Variants in COL23A1 observed in about 807,000 individuals in gnomAD.
COL23A1 encodes collagen type XXIII alpha 1 chain.
A neutral mutation model predicts 99.3 loss-of-function variants in COL23A1; 97 were observed. The ratio of observed to expected loss-of-function variants is 0.98; its 90% CI spans 0.83 to 1.16. The LOEUF is 1.16. Ranked by LOEUF, COL23A1 falls within the 50% of genes most tolerant of loss-of-function variation. The probability of loss-of-function intolerance (pLI) is 0.00; values close to 1 mark genes in which losing one functional copy is unlikely to be tolerated. For missense variants in COL23A1, 762 were observed against 757.4 expected, an observed-to-expected ratio of 1.01 and a Z score of -0.07; for synonymous variants, 320 against 308.2, an observed-to-expected ratio of 1.04 and a Z score of -0.40.
At chr5:178,238,789 G>T (rs1764241242) in intron 28 of COL23A1, 89 bp from the exon 29 acceptor site, 5 of 1,542,322 alleles carry the variant, frequency 3.2e-6, no homozygotes, top group Non-Finnish European at 4.5e-6. Flanking sequence ...CCCCGGTCCT[G>T]CCCATTTCCT....
At chr5:178,247,664 C>T (rs1764777703) in intron 21 of COL23A1, 111 bp downstream of exon 21, 2 of 1,559,696 alleles carry the variant, frequency 1.3e-6, no homozygotes, top group Admixed American at 1.7e-5. Context: ...TGTGCCCCTC[C>T]CTGAACGAAG....
Position 178,439,324 on chromosome 5 carries a change from C to G in COL23A1, c.361+121358G>C, listed in dbSNP as rs771617596. ...CCATCTTTTCTCTCTCAGCCACTTGCTGATTGAGGCTGAGCCAGTTACCAA... is the reference window on the plus strand; with the variant it reads ...CCATCTTTTCTCTCTCAGCCACTTGGTGATTGAGGCTGAGCCAGTTACCAA... On this transcript the variant is annotated intron_variant, in intron 2 of 28. Coordinates refer to ENST00000390654, the MANE Select transcript of COL23A1 (RefSeq NM_173465.4). The surrounding 1 kb of genome is among the most constrained non-coding windows in gnomAD (Gnocchi z 4.2). 6.6e-6 allele frequency: 1 copy of G among 152,206 alleles called. No individual in the cohort carries two copies. The highest frequency in any genetic ancestry group is 2.4e-5 in the African/African-American group (1 of 41,432). 9.4% of individuals were successfully genotyped at this position (152,206 alleles called of 1,614,324 possible).
At chr5:178,329,861 C>T (rs892166059) in intron 2 of COL23A1, among the ~76,000 whole-genome samples, 17 of 151,630 alleles carry the variant, frequency 1.1e-4, no homozygotes, top group African/African-American at 3.4e-4. Context: ...TACTTGAACC[C>T]GGGAGGCGGA....
rs950518898 is a variant in COL23A1, at chr5:178,307,303, C to T, written c.362-384G>A. 6.6e-6 allele frequency among the ~76,000 whole-genome samples: 1 copy of T among 152,208 alleles called. No homozygotes were observed. The highest frequency in any genetic ancestry group is 2.4e-5 in the African/African-American group (1 of 41,454). ...TAGGAGGAAAGTAAGGGTGGGTTAT[C>T]TTAGGAAAGCCCTGACAAACGCTGC... is the stretch of plus-strand genomic sequence containing the variant. On this transcript the variant is annotated intron_variant, in intron 2 of 28. Coordinates refer to ENST00000390654, the MANE Select transcript of COL23A1 (RefSeq NM_173465.4). This position sits in a 1 kb window ranked among gnomAD's most constrained non-coding sequence, Gnocchi z 4.2.
intron 2 of COL23A1, among the ~76,000 whole-genome samples, chr5:178,519,112 G>A (rs1759799514): frequency 6.6e-6 from 1 of 152,074 alleles, no homozygotes; most frequent in Non-Finnish European, 1.5e-5. Context: ...CCAGCCCGCG[G>A]CGCCTTCGAG....
chr5:178,583,220 C>A (rs962951578), intron 1 of COL23A1, among the ~76,000 whole-genome samples: 5 of 152,174 alleles, frequency 3.3e-5, no homozygotes, highest in Non-Finnish European at 7.3e-5. Flanking sequence ...TGTACATAAA[C>A]CCCTAGAGAA....
chr5:178,560,504 T>C (rs994326075), intron 2 of COL23A1, among the ~76,000 whole-genome samples, 178 bp downstream of exon 2: 1 of 152,174 alleles, frequency 6.6e-6, no homozygotes, highest in African/African-American at 2.4e-5. Flanking sequence ...CCGTTTACTT[T>C]GCTGGAAACC....
At chr5:178,534,884 C>T (rs1760850232) in intron 2 of COL23A1, among the ~76,000 whole-genome samples, 1 of 152,200 alleles carries the variant, frequency 6.6e-6, no homozygotes, top group Non-Finnish European at 1.5e-5. Flanking sequence ...AAAACTCTAC[C>T]AGGTAGCTAG....
intron 2 of COL23A1, among the ~76,000 whole-genome samples, chr5:178,523,201 T>TATATATATAG (rs1223542330): frequency 1.6e-3 from 122 of 77,566 alleles, no homozygotes; most frequent in East Asian, 4.0e-3. Context: ...TATATATATA[T>TATATATATAG]AGAGAGAGAG....
intron 18 of COL23A1, 68 bp downstream of exon 18, chr5:178,249,993 A>T: frequency 6.6e-7 from 1 of 1,520,096 alleles, no homozygotes; most frequent in Non-Finnish European, 9.1e-7. Context: ...ACGCACACAC[A>T]CACACACACA....
At chr5:178,380,050 G>C (rs72822852) in intron 2 of COL23A1, among the ~76,000 whole-genome samples, 13,330 of 152,214 alleles carry the variant, frequency 0.088, 698 homozygotes, top group Middle Eastern at 0.14. Flanking sequence ...TTCCTGAACC[G>C]ATGCTGCCTC....
intron 2 of COL23A1, among the ~76,000 whole-genome samples, chr5:178,411,217 C>T (rs574387726): frequency 2.1e-4 from 32 of 152,174 alleles, no homozygotes; most frequent in Non-Finnish European, 3.2e-4. Context: ...TAAAATTGTT[C>T]GGCTCCTGTG....
At chr5:178,569,013 C>A (rs916021130) in intron 1 of COL23A1, among the ~76,000 whole-genome samples, 5 of 152,198 alleles carry the variant, frequency 3.3e-5, no homozygotes, top group Admixed American at 1.3e-4. Flanking sequence ...CTCTTTTCCA[C>A]AGTGGCTGAG....
At chr5:178,558,079 C>A (rs1465566365) in intron 2 of COL23A1, among the ~76,000 whole-genome samples, 2 of 151,572 alleles carry the variant, frequency 1.3e-5, no homozygotes, top group Admixed American at 6.6e-5. Context: ...TCTACCAAGC[C>A]TTCCTCTCGG....
intron 2 of COL23A1, among the ~76,000 whole-genome samples, chr5:178,494,197 C>A (rs746108303): frequency 6.6e-6 from 1 of 152,190 alleles, no homozygotes; most frequent in Non-Finnish European, 1.5e-5. Flanking sequence ...GAAAATCTTA[C>A]AACATTCCTC....
intron 2 of COL23A1, among the ~76,000 whole-genome samples, chr5:178,402,167 T>C (rs1420393271): frequency 1.3e-5 from 2 of 152,052 alleles, no homozygotes; most frequent in African/African-American, 4.8e-5. Context: ...ATCTAAATAA[T>C]AGAATAATGA....
intron 2 of COL23A1, among the ~76,000 whole-genome samples, chr5:178,354,782 T>C (rs1581210080): frequency 6.6e-6 from 1 of 152,000 alleles, no homozygotes; most frequent in Non-Finnish European, 1.5e-5. Flanking sequence ...TTAGGTTGGG[T>C]GTGGTGGCTC....
At chr5:178,341,613 G>A (rs963048673) in intron 2 of COL23A1, among the ~76,000 whole-genome samples, 4 of 152,200 alleles carry the variant, frequency 2.6e-5, no homozygotes, top group African/African-American at 9.6e-5. Context: ...GGGTGGGTGA[G>A]GCTGGAAGAG....
rs1581606143 is a variant in COL23A1, at chr5:178,545,558, GC to G, written c.361+15123del. On this transcript the variant is annotated intron_variant, in intron 2 of 28. Coordinates refer to ENST00000390654, the MANE Select transcript of COL23A1 (RefSeq NM_173465.4). ...AGAAAAGGACTTTAACACTCGGCCT[GC>G]CAATAACCTACAGGGCAGCAAAAGG... Among the ~76,000 whole-genome samples the G allele has an allele frequency of 5.3e-5, 8 of 152,304 alleles. No homozygotes were observed. In the East Asian group the frequency reaches 1.5e-3, roughly 29 times the overall value.
Sources: gnomAD v4.1 joint callset for allele counts (sites outside exome capture counted in the v4.1 genomes callset) on GRCh38, gnomAD v4.1.1 for gene constraint, Gnocchi (gnomAD v3.1) non-coding constraint, MANE v1.5 for transcripts, NCBI Gene and HGNC (gene_info 2026-07-23, HGNC 2026-07-21) for gene names.